The following IL16 variants were observed in gnomAD, a reference collection of about 807,000 sequenced individuals.
IL16 encodes the protein interleukin 16.
In IL16, 67 loss-of-function variants were observed where a neutral mutation model predicts 110.1. The ratio of observed to expected loss-of-function variants is 0.61; its 90% CI spans 0.50 to 0.75. IL16 has a LOEUF of 0.75. IL16 is among the 30% of genes least tolerant of loss of function. The pLI is 0.00. For synonymous variants in IL16, 689 were observed against 662.9 expected (o/e 1.04, Z -0.61); for missense variants, 1,545 against 1,655.0 (o/e 0.93, Z 1.15).
In IL16 at chr15:81,300,357, T is replaced by C; in HGVS notation, c.3031T>C (p.Cys1011Arg). The C allele has an allele frequency of 6.2e-7, 1 of 1,614,180 alleles. No individual in the cohort carries two copies. Among genetic ancestry groups the C allele is most frequent in the East Asian group, 2.2e-5 (1 of 44,878 alleles). The change falls in exon 14 of 19, where the codon TGT becomes CGT. Residue 1011 changes from cysteine (C) to arginine (R), a missense_variant. By Grantham distance (180) the Cys-to-Arg change is radical (BLOSUM62 -3). Around this residue, in one of 3 missense-constraint regions of IL16, gnomAD observed 356 missense variants for 399.3 expected, o/e 0.89. Transcript: ENST00000683961. ...SLLCLPSSIS[C>R]AQTPCIPKEG... ...GCTGTGCCTTCCATCTTCTATCTCC[T>C]GTGCCCAGACTCCCTGCATCCCCAA... is the stretch of plus-strand genomic sequence containing the variant.
Position 81,292,541 on chromosome 15 carries a change from G to T in IL16, c.1421-15G>T, listed in dbSNP as rs1444289572. 2 of 1,610,296 alleles carry T rather than the reference G, an allele frequency of 1.2e-6. No homozygotes were observed. The highest frequency in any genetic ancestry group is 4.5e-5 in the East Asian group (2 of 44,762). ...GAAGCTCAGCTGTGAAGATTCTCTT[G>T]TGCTTCCCACACAGGTGTCAAAAGG... On this transcript the variant is annotated splice_polypyrimidine_tract_variant and intron_variant, in intron 11 of 18. Transcript: ENST00000683961.
chr15:81,303,699 G>T lies in IL16; in HGVS notation c.3420+49G>T, dbSNP rs1596057096. ...TGTCACAGCCAGAGGCAATGGTTCT[G>T]GGGGAGGGGGACACACTTGCCAGGA... is the stretch of plus-strand genomic sequence containing the variant. On this transcript the variant is annotated intron_variant, in intron 16 of 18. Transcript: ENST00000683961. The surrounding 1 kb of genome is among the most constrained non-coding windows in gnomAD (Gnocchi z 4.1). 1 of 1,242,340 alleles carries T rather than the reference G, an allele frequency of 8.0e-7. No individual in the cohort carries two copies. Among genetic ancestry groups the T allele is most frequent in the Non-Finnish European group, 1.2e-6 (1 of 842,682 alleles). The allele number at this position is 1,242,340 out of a possible 1,614,324, so 77.0% of individuals were successfully genotyped here.
intron 13 of IL16, 71 bp downstream of exon 13, chr15:81,297,149 C>T (rs1380909169): frequency 6.8e-7 from 1 of 1,474,592 alleles, no homozygotes; most frequent in Non-Finnish European, 9.2e-7. Context: ...GATAAGAGCA[C>T]AAATTGGCCT....
intron 4 of IL16, among the ~76,000 whole-genome samples, chr15:81,268,151 C>G (rs1898473909): frequency 6.6e-6 from 1 of 152,226 alleles, no homozygotes. Context: ...GAGTGGCTTA[C>G]AGGACCTGGG....
rs1267410755 is a variant in IL16 at position 81,225,293 on chromosome 15, C to T, written c.-101-6C>T. ...ATTGCTTCTTCCCATTTCCTCTTTCCTCTAGGGACTCATGAAGTGGCAGCT... is the reference window on the plus strand; with the variant it reads ...ATTGCTTCTTCCCATTTCCTCTTTCTTCTAGGGACTCATGAAGTGGCAGCT... On this transcript the variant is annotated splice_region_variant and splice_polypyrimidine_tract_variant and intron_variant, in intron 1 of 18. Transcript: ENST00000683961. The T allele has an allele frequency of 1.3e-6, 2 of 1,520,456 alleles. No homozygotes were observed. Among genetic ancestry groups the T allele is most frequent in the South Asian group, 1.2e-5 (1 of 80,688 alleles). 94.2% of individuals were successfully genotyped at this position (1,520,456 alleles called of 1,614,324 possible). A position where few individuals can be genotyped will look rare whatever the true frequency, so the allele number is the denominator to read the frequency against.
chr15:81,234,195 G>C (rs1443532926), intron 2 of IL16, among the ~76,000 whole-genome samples: 4 of 151,926 alleles, frequency 2.6e-5, no homozygotes, highest in African/African-American at 9.7e-5. Flanking sequence ...ATATAATTAT[G>C]TTGTTCTTCC....
At chr15:81,301,610 C>T in intron 15 of IL16, 98 bp downstream of exon 15, 10 of 1,044,910 alleles carry the variant, frequency 9.6e-6, no homozygotes, top group African/African-American at 1.6e-5. Flanking sequence ...GAGTAGCCTG[C>T]TCACATCAGA....
Position 81,300,133 on chromosome 15 carries a change from CT to C in IL16, c.2808del (p.Gly937AlafsTer6), listed in dbSNP as rs752110705. On this transcript the variant is annotated frameshift_variant, in exon 14 of 19. Transcript: ENST00000683961. LOFTEE classifies it high-confidence loss of function. ...GRQPNQKTLP[P>X]GPDPLLRLLS... ...CAGCCCAATCAGAAAACTCTCCCCC[CT>C]GGCCCGGACCCGCTCCTAAGGCTGC... 3 of 1,607,252 alleles carry C rather than the reference CT, an allele frequency of 1.9e-6. No individual in the cohort carries two copies. The highest frequency in any genetic ancestry group is 1.1e-5 in the South Asian group (1 of 90,484).
At chr15:81,226,137 G>A (rs1357464781) in intron 2 of IL16, among the ~76,000 whole-genome samples, 1 of 152,218 alleles carries the variant, frequency 6.6e-6, no homozygotes. Flanking sequence ...AGCAAGGTAA[G>A]GGGTGCCGGA....
rs755451122 is a variant in IL16, at chr15:81,259,834, C to T, written c.375C>T (p.Phe125=). 3.1e-6 allele frequency: 5 copies of T among 1,613,992 alleles called. No homozygotes were observed. Among genetic ancestry groups the T allele is most frequent in the South Asian group, 1.1e-5 (1 of 91,058 alleles). ...PGKLEAQSSN[F]LFPKACHQRA... ...AACTAGAAGCACAAAGTAGTAACTT[C>T]CTGTTTCCTAAAGCCTGCCACCAAA... The change falls in exon 3 of 19, where the codon TTC becomes TTT. Residue 125 remains phenylalanine, a synonymous_variant. Transcript: ENST00000683961.
At chr15:81,300,554 T>C (rs1900231174) in intron 14 of IL16, 79 bp downstream of exon 14, 1 of 879,776 alleles carries the variant, frequency 1.1e-6, no homozygotes, top group Non-Finnish European at 1.7e-6. Flanking sequence ...AATAATCCTA[T>C]ATATAATTTA....
chr15:81,272,928 T>G (rs1015497486), intron 5 of IL16, among the ~76,000 whole-genome samples, 162 bp from the exon 6 acceptor site: 4 of 146,446 alleles, frequency 2.7e-5, no homozygotes, highest in Non-Finnish European at 4.6e-5. Context: ...GTTGGTGTTG[T>G]TGTTGTTGTT....
At position 81,303,682 on chromosome 15, in the gene IL16, C is replaced by T; in HGVS notation, c.3420+32C>T. 7.1e-7 allele frequency: 1 copy of T among 1,412,922 alleles called. No individual in the cohort carries two copies. Among genetic ancestry groups the T allele is most frequent in the Non-Finnish European group, 1.0e-6 (1 of 996,958 alleles). 87.5% of individuals were successfully genotyped at this position (1,412,922 alleles called of 1,614,324 possible). On this transcript the variant is annotated intron_variant, in intron 16 of 18. Coordinates refer to ENST00000683961, the MANE Select transcript of IL16 (RefSeq NM_172217.5). This position sits in a 1 kb window ranked among gnomAD's most constrained non-coding sequence, Gnocchi z 4.1. ...GGCCAAGTGAAGGGGCATGTCACAG[C>T]CAGAGGCAATGGTTCTGGGGGAGGG...
At position 81,300,050 on chromosome 15, in the gene IL16, C is replaced by T. The variant is rs1296592825; in HGVS notation, c.2724C>T (p.Ser908=). The T allele has an allele frequency of 2.6e-6, 4 of 1,566,762 alleles. No individual in the cohort carries two copies. In the Admixed American group the frequency reaches 5.6e-5, roughly 22 times the overall value. The change falls in exon 14 of 19, where the codon TCC becomes TCT. Residue 908 remains serine (S), a synonymous_variant. Transcript: ENST00000683961. ...QQPEQVLSSG[S]PAASEARDPG... ...CTGAGCAAGTACTGTCCTCGGGGTC[C>T]CCTGCAGCCTCCGAGGCCAGAGACC...
Position 81,300,091 on chromosome 15 carries a change from C to T in IL16, c.2765C>T (p.Ser922Phe). 1 of 1,579,966 alleles carries T rather than the reference C, an allele frequency of 6.3e-7. No homozygotes were observed. Among genetic ancestry groups the T allele is most frequent in the South Asian group, 1.2e-5 (1 of 84,724 alleles). Residue 922 changes from serine (S) to phenylalanine (F), a missense_variant, in exon 14 of 19, where the codon TCC (serine) becomes TTC (phenylalanine). By Grantham distance (155) the Ser-to-Phe change is radical. Coordinates refer to ENST00000683961, the MANE Select transcript of IL16 (RefSeq NM_172217.5). ...SEARDPGVSE[S>F]PPPGRQPNQK... ...GCCAGAGACCCAGGTGTGTCTGAGTCCCCTCCCCCAGGGCGGCAGCCCAAT... is the reference window on the plus strand; with the variant it reads ...GCCAGAGACCCAGGTGTGTCTGAGTTCCCTCCCCCAGGGCGGCAGCCCAAT...
At chr15:81,282,799 A>C in intron 9 of IL16, 43 bp downstream of exon 9, 2 of 1,318,568 alleles carry the variant, frequency 1.5e-6, no homozygotes, top group Non-Finnish European at 2.2e-6. Context: ...CCGACTTACA[A>C]CCAGGAAAGA....
upstream of IL16, among the ~76,000 whole-genome samples, chr15:81,192,332 G>A (rs917299157): frequency 6.6e-6 from 1 of 152,190 alleles, no homozygotes; most frequent in African/African-American, 2.4e-5. Flanking sequence ...TGGGTGCAGT[G>A]GCTCATGCCT....
intron 11 of IL16, 149 bp from the exon 12 acceptor site, chr15:81,292,407 A>T: frequency 8.6e-7 from 1 of 1,163,904 alleles, no homozygotes; most frequent in Non-Finnish European, 1.3e-6. Flanking sequence ...CAACACCAAG[A>T]CTGCCATACT....
At chr15:81,233,530 TAAAGA>T (rs1320580330) in intron 2 of IL16, among the ~76,000 whole-genome samples, 1 of 151,294 alleles carries the variant, frequency 6.6e-6, no homozygotes, top group Non-Finnish European at 1.5e-5. Context: ...GTTCCATAGT[TAAAGA>T]AGAGAATGTA....
Sources: gnomAD v4.1 joint callset for allele counts (sites outside exome capture counted in the v4.1 genomes callset) on GRCh38, gnomAD v4.1.1 for gene constraint, gnomAD v4.1.1 regional missense constraint, Gnocchi (gnomAD v3.1) non-coding constraint, MANE v1.5 for transcripts, NCBI Gene and HGNC (gene_info 2026-07-23, HGNC 2026-07-21) for gene names.